The following MITF variants were observed in gnomAD, a reference collection of about 807,000 sequenced individuals.
MITF encodes the protein microphthalmia-associated transcription factor.
MITF carries 17 observed loss-of-function variants against 60.5 expected under a neutral mutation model. The observed-to-expected ratio is 0.28, with a 90% CI of 0.19 to 0.42. The LOEUF is 0.42. Ranked by LOEUF, MITF falls within the 10% of genes least tolerant of loss-of-function variation. The pLI, the probability that MITF is intolerant of heterozygous loss-of-function variation, is 1.00. For missense variants in MITF, 622 were observed against 683.5 expected, an observed-to-expected ratio of 0.91 and a Z score of 1.00; for synonymous variants, 260 against 248.5, an observed-to-expected ratio of 1.05 and a Z score of -0.43.
chr3:69,865,743 T>G (rs1384723802), intron 1 of MITF, among the ~76,000 whole-genome samples: 1 of 152,066 alleles, frequency 6.6e-6, no homozygotes, highest in Non-Finnish European at 1.5e-5. Flanking sequence ...GAGGGCATAT[T>G]CAATTATCAA....
rs941410466 is a variant in MITF, at chr3:69,769,498, C to T, written c.104+29797C>T. 4 of 152,010 alleles carry T rather than the reference C, an allele frequency of 2.6e-5. No homozygotes were observed. In the East Asian group the frequency reaches 7.7e-4, roughly 29 times the overall value. 9.4% of individuals were successfully genotyped at this position (152,010 alleles called of 1,614,324 possible). ...TTTTTTTTCCTTTTTGATACGGGGC[C>T]TTGCTGTGATGCCCAGGCTGGAGTA... On this transcript the variant is annotated intron_variant, in intron 1 of 9. Transcript: ENST00000352241.
At chr3:69,907,295 A>T (rs2065120396) in intron 2 of MITF, among the ~76,000 whole-genome samples, 1 of 152,064 alleles carries the variant, frequency 6.6e-6, no homozygotes, top group African/African-American at 2.4e-5. Context: ...TGAAAAAGTC[A>T]TGTGGGTTTT....
intron 5 of MITF, among the ~76,000 whole-genome samples, chr3:69,948,582 A>G (rs2066159475): frequency 6.6e-6 from 1 of 152,140 alleles, no homozygotes; most frequent in South Asian, 2.1e-4. Context: ...TCCTTGTAAA[A>G]GAAAAAGTGA....
At chr3:69,826,359 A>G (rs1294052356) in intron 1 of MITF, among the ~76,000 whole-genome samples, 2 of 152,194 alleles carry the variant, frequency 1.3e-5, no homozygotes, top group Non-Finnish European at 2.9e-5. Flanking sequence ...TGTTTGGGAA[A>G]TTGATTCTTC....
chr3:69,871,324 G>GAGTT (rs1459398426), intron 1 of MITF, among the ~76,000 whole-genome samples: 4 of 152,204 alleles, frequency 2.6e-5, no homozygotes, highest in African/African-American at 9.7e-5. Flanking sequence ...GCACATTCCT[G>GAGTT]AGTTAGTCTT....
intron 1 of MITF, chr3:69,838,548 C>A (rs1367371): frequency 0.5 from 75,971 of 152,318 alleles, 20,612 homozygotes; most frequent in Non-Finnish European, 0.63. Flanking sequence ...AAACCCTGTG[C>A]GTTTCTGGAG....
At chr3:69,812,721 T>C (rs1026142306) in intron 1 of MITF, among the ~76,000 whole-genome samples, 12 of 152,218 alleles carry the variant, frequency 7.9e-5, no homozygotes, top group African/African-American at 2.9e-4. Flanking sequence ...GTGATAAAGT[T>C]ACTGATTTTC....
At chr3:69,897,971 A>G (rs757896673) in intron 2 of MITF, among the ~76,000 whole-genome samples, 3 of 152,234 alleles carry the variant, frequency 2.0e-5, no homozygotes. Flanking sequence ...TTGAGTGCCA[A>G]CAATATATAA....
chr3:69,746,775 A>T (rs369487401), intron 1 of MITF, among the ~76,000 whole-genome samples: 1 of 152,180 alleles, frequency 6.6e-6, no homozygotes, highest in African/African-American at 2.4e-5. Context: ...ATACCAAGGG[A>T]TAAGTCTGCA....
chr3:69,751,431 G>A (rs1272247895), intron 1 of MITF, among the ~76,000 whole-genome samples: 1 of 152,100 alleles, frequency 6.6e-6, no homozygotes, highest in Non-Finnish European at 1.5e-5. Flanking sequence ...AGTACAGACT[G>A]TGAGAAGGAA....
intron 2 of MITF, among the ~76,000 whole-genome samples, chr3:69,929,308 T>TGGTA (rs1258320699): frequency 5.3e-5 from 8 of 152,166 alleles, no homozygotes; most frequent in African/African-American, 1.9e-4. Flanking sequence ...TCAGGAGCAC[T>TGGTA]GGTAGCATGT....
At chr3:69,833,864 C>T (rs116248171) in intron 1 of MITF, among the ~76,000 whole-genome samples, 448 of 152,302 alleles carry the variant, frequency 2.9e-3, no homozygotes, top group African/African-American at 9.9e-3. Context: ...GCCTGTCCAC[C>T]TGCATTCCTT....
At chr3:69,773,222 C>A (rs550470871) in intron 1 of MITF, among the ~76,000 whole-genome samples, 2 of 152,100 alleles carry the variant, frequency 1.3e-5, no homozygotes, top group African/African-American at 4.8e-5. Context: ...ATGGCCACAG[C>A]GGCTGGACCA....
intron 1 of MITF, among the ~76,000 whole-genome samples, chr3:69,799,378 G>A (rs560437528): frequency 1.3e-5 from 2 of 152,278 alleles, no homozygotes; most frequent in South Asian, 2.1e-4. Flanking sequence ...ACTGGGAAGT[G>A]ACCTGACAGA....
chr3:69,770,750 A>T (rs1476654329), intron 1 of MITF, among the ~76,000 whole-genome samples: 1 of 152,214 alleles, frequency 6.6e-6, no homozygotes, highest in African/African-American at 2.4e-5. Context: ...AATAAGGTCA[A>T]AATTGAAGTC....
At chr3:69,855,550 T>C (rs1471180389) in intron 1 of MITF, among the ~76,000 whole-genome samples, 1 of 152,210 alleles carries the variant, frequency 6.6e-6, no homozygotes, top group African/African-American at 2.4e-5. Flanking sequence ...CCCGTAACTT[T>C]GTGTAATGAT....
intron 1 of MITF, among the ~76,000 whole-genome samples, chr3:69,792,026 C>A (rs190688102): frequency 9.2e-5 from 14 of 152,178 alleles, no homozygotes; most frequent in Admixed American, 5.9e-4. Context: ...GAAGTAGAGA[C>A]GGATGTGCTG....
intron 1 of MITF, among the ~76,000 whole-genome samples, chr3:69,748,235 AT>A (rs1703805619): frequency 6.6e-6 from 1 of 151,974 alleles, no homozygotes; most frequent in African/African-American, 2.4e-5. Flanking sequence ...CAGAGTGATA[AT>A]TTTCTTTCTT....
chr3:69,948,172 A>G (rs547885627), intron 5 of MITF, among the ~76,000 whole-genome samples: 1 of 152,306 alleles, frequency 6.6e-6, no homozygotes, highest in South Asian at 2.1e-4. Flanking sequence ...GAGTGAGGTC[A>G]GTCAACGATT....
Sources: allele counts gnomAD v4.1 joint callset (sites outside exome capture counted in the v4.1 genomes callset), GRCh38; gene constraint gnomAD v4.1.1; transcripts MANE v1.5; gene names NCBI Gene and HGNC (gene_info 2026-07-23, HGNC 2026-07-21).